The following NUP160 variants were observed in gnomAD, a reference collection of about 807,000 sequenced individuals.
NUP160 encodes nuclear pore complex protein Nup160.
A neutral mutation model predicts 196.9 loss-of-function variants in NUP160; 94 were observed. The ratio of observed to expected loss-of-function variants is 0.48; its 90% CI spans 0.40 to 0.57. The LOEUF is 0.57. Ranked by LOEUF, NUP160 falls within the 20% of genes least tolerant of loss-of-function variation. NUP160 has a pLI of 0.00. For synonymous variants in NUP160, 605 were observed against 619.7 expected, an observed-to-expected ratio of 0.98 and a Z score of 0.35; for missense variants, 1,638 against 1,748.3, an observed-to-expected ratio of 0.94 and a Z score of 1.13.
At chr11:47,815,824 AAACATTTATATGTTCC>A in intron 12 of NUP160, 106 bp downstream of exon 12, 1 of 959,130 alleles carries the variant, frequency 1.0e-6, no homozygotes, top group Non-Finnish European at 1.6e-6. Flanking sequence ...TAAAAGGTTT[AAACATTTATATGTTCC>A]AACAAACAAG....
chr11:47,824,714 A>G (rs1851933613), intron 7 of NUP160, among the ~76,000 whole-genome samples: 1 of 152,120 alleles, frequency 6.6e-6, no homozygotes, highest in South Asian at 2.1e-4. Context: ...TCGTAGCTCA[A>G]CGTTAACCTC....
rs903281992 is a variant in NUP160 at position 47,813,129 on chromosome 11, T to C, written c.1787-82A>G. On this transcript the variant is annotated intron_variant, in intron 14 of 35. Transcript: ENST00000378460. Reference sequence around the variant, plus strand: ...GATATTACATTAAAATGTTAATAATTAAATGACAAGAAATCTATCTGAGGT... The same window carrying C: ...GATATTACATTAAAATGTTAATAATCAAATGACAAGAAATCTATCTGAGGT... 5 of 1,107,352 alleles carry C rather than the reference T, an allele frequency of 4.5e-6. No homozygotes were observed. In the African/African-American group the frequency reaches 6.3e-5, roughly 14 times the overall value. 68.6% of individuals were successfully genotyped at this position (1,107,352 alleles called of 1,614,324 possible).
At chr11:47,819,527 G>T in intron 9 of NUP160, 69 bp from the exon 10 acceptor site, 1 of 1,109,652 alleles carries the variant, frequency 9.0e-7, no homozygotes, top group Non-Finnish European at 1.4e-6. Context: ...GCTGTTGGCA[G>T]TATCTGGGCA....
At chr11:47,846,486 G>C (rs1162099393) in intron 2 of NUP160, among the ~76,000 whole-genome samples, 3 of 152,024 alleles carry the variant, frequency 2.0e-5, no homozygotes, top group Non-Finnish European at 4.4e-5. Flanking sequence ...ACTCACATCT[G>C]GTTAGTCACA....
chr11:47,808,100 T>C (rs7927611), intron 18 of NUP160, among the ~76,000 whole-genome samples: 30,582 of 152,066 alleles, frequency 0.2, 3,498 homozygotes, highest in East Asian at 0.31. Flanking sequence ...CTGGCCAACA[T>C]GGTGAAACCC....
chr11:47,795,009 G>A (rs754406652), intron 27 of NUP160, among the ~76,000 whole-genome samples: 4 of 152,098 alleles, frequency 2.6e-5, no homozygotes, highest in Non-Finnish European at 4.4e-5. Flanking sequence ...GCTGAGGCAG[G>A]AGAATTGCTT....
In NUP160 at chr11:47,807,149, A is replaced by C. The variant is rs367629430; in HGVS notation, c.2376-9T>G. The C allele has an allele frequency of 1.9e-6, 3 of 1,582,190 alleles. No individual in the cohort carries two copies. The African/African-American group carries it at 4.0e-5, about 21-fold the overall frequency. ...GTTGGAGATTAGACTCCCTGTGAGAAAAGGGGAAAAGACAGCTTAGTAAAT... is the reference window on the plus strand; with the variant it reads ...GTTGGAGATTAGACTCCCTGTGAGACAAGGGGAAAAGACAGCTTAGTAAAT... On this transcript the variant is annotated splice_polypyrimidine_tract_variant and intron_variant, in intron 18 of 35. Transcript: ENST00000378460.
At chr11:47,840,713 GACC>G (rs1852278808) in intron 2 of NUP160, 125 bp from the exon 3 acceptor site, 4 of 647,732 alleles carry the variant, frequency 6.2e-6, no homozygotes, top group South Asian at 4.9e-5. Flanking sequence ...AACAGATTTG[GACC>G]ACTTTTGCAT....
At chr11:47,784,029 CAAAA>C (rs1392402453) in intron 33 of NUP160, among the ~76,000 whole-genome samples, 1 of 150,150 alleles carries the variant, frequency 6.7e-6, no homozygotes, top group Non-Finnish European at 1.5e-5. Flanking sequence ...AAAACAAAAA[CAAAA>C]AAAACAAAAC....
chr11:47,837,336 C>T (rs959529769), intron 5 of NUP160, among the ~76,000 whole-genome samples: 1 of 152,150 alleles, frequency 6.6e-6, no homozygotes, highest in South Asian at 2.1e-4. Flanking sequence ...AGAATATAAA[C>T]AGGCCGATTT....
chr11:47,809,758 AGAT>A (rs1565196746), intron 17 of NUP160, among the ~76,000 whole-genome samples: 1 of 121,254 alleles, frequency 8.2e-6, no homozygotes, highest in Non-Finnish European at 1.9e-5. Flanking sequence ...AAAAAAAAAA[AGAT>A]GTGCGGAAAA....
intron 7 of NUP160, among the ~76,000 whole-genome samples, chr11:47,829,919 A>G (rs1852041046): frequency 1.3e-5 from 2 of 152,232 alleles, no homozygotes; most frequent in Non-Finnish European, 2.9e-5. Flanking sequence ...AACTTTCAGC[A>G]GAGTAAACAG....
chr11:47,840,272 C>G, intron 3 of NUP160, 106 bp downstream of exon 3: 2 of 1,035,824 alleles, frequency 1.9e-6, no homozygotes, highest in Non-Finnish European at 3.0e-6. Flanking sequence ...TGAGGGATAA[C>G]GAGAATCCAA....
chr11:47,800,682 G>A (rs1259957407), intron 23 of NUP160, among the ~76,000 whole-genome samples: 5 of 152,108 alleles, frequency 3.3e-5, no homozygotes, highest in Non-Finnish European at 5.9e-5. Flanking sequence ...GAGCCATCGC[G>A]TCCGGCCAAG....
intron 27 of NUP160, among the ~76,000 whole-genome samples, chr11:47,795,542 G>A (rs537774993): frequency 2.4e-3 from 370 of 152,164 alleles, no homozygotes; most frequent in Middle Eastern, 0.014. Context: ...AGAAACCAAA[G>A]AAAATTCTAA....
intron 33 of NUP160, among the ~76,000 whole-genome samples, chr11:47,784,302 C>T (rs973423913): frequency 6.6e-6 from 1 of 152,016 alleles, no homozygotes; most frequent in African/African-American, 2.4e-5. Flanking sequence ...GTCTAAGAAC[C>T]CGTTTTTGAT....
intron 2 of NUP160, among the ~76,000 whole-genome samples, chr11:47,846,178 T>C (rs193243497): frequency 1.8e-4 from 28 of 151,808 alleles, no homozygotes; most frequent in African/African-American, 6.3e-4. Flanking sequence ...AAAAATTTTT[T>C]TTGTAGAAAT....
exon 11 of NUP160, chr11:47,818,091 G>C (rs193043409): frequency 6.2e-7 from 1 of 1,611,422 alleles, no homozygotes; most frequent in Non-Finnish European, 8.5e-7. Flanking sequence ...TTTGTGAATT[G>C]TCCTGGTGTA....
intron 12 of NUP160, 86 bp downstream of exon 12, chr11:47,815,860 A>G: frequency 1.8e-6 from 2 of 1,115,840 alleles, no homozygotes; most frequent in Non-Finnish European, 2.6e-6. Flanking sequence ...GGTCAAGTGA[A>G]GAATTCCAGT....
Sources: gnomAD v4.1 joint callset for allele counts (sites outside exome capture counted in the v4.1 genomes callset) on GRCh38, gnomAD v4.1.1 for gene constraint, MANE v1.5 for transcripts, NCBI Gene and HGNC (gene_info 2026-07-23, HGNC 2026-07-21) for gene names.